RARB: variants seen among roughly 807,000 people sequenced by gnomAD.
RARB encodes retinoic acid receptor beta, also known as HBV-activated protein.
A neutral mutation model predicts 51.9 loss-of-function variants in RARB; 17 were observed. The ratio of observed to expected loss-of-function variants is 0.33; its 90% CI spans 0.22 to 0.49. The LOEUF is 0.49. RARB is among the 20% of genes least tolerant of loss of function. The pLI is 0.99. For missense variants in RARB, 369 were observed against 550.8 expected, an observed-to-expected ratio of 0.67 and a Z score of 3.30; for synonymous variants, 215 against 195.4, an observed-to-expected ratio of 1.10 and a Z score of -0.84.
chr3:24,973,117 A>T (rs1381577199), intron 2 of RARB, among the ~76,000 whole-genome samples: 1 of 152,002 alleles, frequency 6.6e-6, no homozygotes, highest in African/African-American at 2.4e-5. Flanking sequence ...GAGGTCTTAG[A>T]TTTAAGTGTT....
chr3:24,831,619 A>T (rs906070018), intron 1 of RARB, among the ~76,000 whole-genome samples: 2 of 152,190 alleles, frequency 1.3e-5, no homozygotes, highest in African/African-American at 2.4e-5. Flanking sequence ...GACAAAAAAA[A>T]ATACATGATG....
chr3:25,119,788 C>G (rs1202613910), intron 3 of RARB, among the ~76,000 whole-genome samples: 1 of 152,054 alleles, frequency 6.6e-6, no homozygotes, highest in East Asian at 1.9e-4. Context: ...GATGGACTTT[C>G]TAATAGACTA....
At chr3:24,877,301 G>T (rs1703064768) in intron 2 of RARB, among the ~76,000 whole-genome samples, 1 of 133,812 alleles carries the variant, frequency 7.5e-6, no homozygotes. Context: ...GCATATCTAA[G>T]ATTGGTCATA....
At chr3:24,938,990 GT>G (rs386396166) in intron 2 of RARB, among the ~76,000 whole-genome samples, 19 of 143,490 alleles carry the variant, frequency 1.3e-4, no homozygotes, top group East Asian at 4.3e-4. Context: ...TTTTGTTGTT[GT>G]TTTTTTTTTT....
At chr3:25,282,126 C>A (rs991715850) in intron 5 of RARB, among the ~76,000 whole-genome samples, 1 of 152,206 alleles carries the variant, frequency 6.6e-6, no homozygotes, top group South Asian at 2.1e-4. Context: ...TTGTTTCATG[C>A]AGGAAGAGAT....
chr3:24,975,460 G>C (rs1319831543), intron 2 of RARB, among the ~76,000 whole-genome samples: 3 of 152,078 alleles, frequency 2.0e-5, no homozygotes, highest in Non-Finnish European at 4.4e-5. Context: ...AATTATCATT[G>C]TTGTTTTAAT....
intron 5 of RARB, among the ~76,000 whole-genome samples, chr3:25,365,924 C>G (rs1313538956): frequency 1.3e-5 from 2 of 152,194 alleles, no homozygotes; most frequent in East Asian, 1.9e-4. Flanking sequence ...AACTGTGCCT[C>G]CATTCATGGA....
At chr3:25,369,987 C>G (rs1395540456) in intron 5 of RARB, among the ~76,000 whole-genome samples, 1 of 152,066 alleles carries the variant, frequency 6.6e-6, no homozygotes, top group East Asian at 1.9e-4. Context: ...CCTAAGTGTT[C>G]ATCTTCTAGT....
At chr3:25,522,952 T>C (rs1036676778) in intron 3 of RARB, among the ~76,000 whole-genome samples, 1 of 152,164 alleles carries the variant, frequency 6.6e-6, no homozygotes, top group African/African-American at 2.4e-5. Context: ...TGTTCTCCAG[T>C]TTGATGGTGC....
chr3:25,595,507 A>T (rs1460637032), intron 7 of RARB, among the ~76,000 whole-genome samples: 1 of 152,250 alleles, frequency 6.6e-6, no homozygotes. Context: ...TAAACAGCAG[A>T]TACCAGTGTG....
chr3:25,300,474 G>A (rs1704014438), intron 5 of RARB, among the ~76,000 whole-genome samples: 1 of 152,120 alleles, frequency 6.6e-6, no homozygotes, highest in South Asian at 2.1e-4. Context: ...TATCCTTTTT[G>A]ATCCATTGAA....
chr3:24,898,536 T>G (rs1257168488), intron 2 of RARB, among the ~76,000 whole-genome samples: 1 of 152,050 alleles, frequency 6.6e-6, no homozygotes, highest in African/African-American at 2.4e-5. Context: ...GTTTGAAAAA[T>G]AACCTTATGC....
intron 5 of RARB, among the ~76,000 whole-genome samples, chr3:25,226,497 C>T (rs190034190): frequency 6.6e-6 from 1 of 152,182 alleles, no homozygotes; most frequent in African/African-American, 2.4e-5. Flanking sequence ...GAGCTTTCTA[C>T]ACACGTTTTC....
intron 5 of RARB, among the ~76,000 whole-genome samples, chr3:25,316,927 G>T (rs1227439500): frequency 6.6e-6 from 1 of 152,004 alleles, no homozygotes; most frequent in African/African-American, 2.4e-5. Context: ...AAGAAGTGAG[G>T]GTTAGACAGA....
chr3:25,404,860 G>A (rs1707363908), intron 5 of RARB, among the ~76,000 whole-genome samples: 1 of 152,052 alleles, frequency 6.6e-6, no homozygotes, highest in Non-Finnish European at 1.5e-5. Context: ...GTTGTTGATT[G>A]CTTCTGAAAT....
At chr3:25,140,206 C>G (rs374549072) in intron 4 of RARB, among the ~76,000 whole-genome samples, 2 of 152,108 alleles carry the variant, frequency 1.3e-5, no homozygotes, top group African/African-American at 2.4e-5. Flanking sequence ...TAAGGTACAG[C>G]TGCCATAGAT....
chr3:24,962,955 G>A (rs973636212), intron 2 of RARB, among the ~76,000 whole-genome samples: 11 of 152,082 alleles, frequency 7.2e-5, no homozygotes, highest in East Asian at 1.9e-4. Flanking sequence ...GTAATTTGCC[G>A]AAGTCACCCA....
chr3:24,948,237 C>T (rs770866232), intron 2 of RARB, among the ~76,000 whole-genome samples: 7 of 73,628 alleles, frequency 9.5e-5, no homozygotes, highest in Middle Eastern at 8.3e-3. Context: ...GGTAGCACAT[C>T]CCCCCTGCCC....
At chr3:24,999,746 A>AG (rs1447378315) in intron 2 of RARB, among the ~76,000 whole-genome samples, 2 of 152,228 alleles carry the variant, frequency 1.3e-5, no homozygotes, top group African/African-American at 4.8e-5. Flanking sequence ...AAGACCTCTA[A>AG]GGGGTAGATT....
Sources: gnomAD v4.1 joint callset for allele counts (sites outside exome capture counted in the v4.1 genomes callset) on GRCh38, gnomAD v4.1.1 for gene constraint, MANE v1.5 for transcripts, NCBI Gene and HGNC (gene_info 2026-07-23, HGNC 2026-07-21) for gene names.